PNPT1: variants seen among roughly 807,000 people sequenced by gnomAD.
The protein encoded by PNPT1 is polyribonucleotide nucleotidyltransferase 1, mitochondrial.
In PNPT1, 53 loss-of-function variants were observed where a neutral mutation model predicts 119.5. That is an observed-to-expected ratio of 0.44 (90% confidence interval 0.36 to 0.56). The LOEUF is 0.56. Ranked by LOEUF, PNPT1 falls within the 20% of genes least tolerant of loss-of-function variation. PNPT1 has a pLI of 0.00. For synonymous variants in PNPT1, 357 were observed against 322.1 expected (o/e 1.11, Z -1.16); for missense variants, 948 against 938.5 (o/e 1.01, Z -0.13).
intron 8 of PNPT1, among the ~76,000 whole-genome samples, chr2:55,673,896 T>C (rs1189026929): frequency 4.6e-5 from 7 of 152,138 alleles, no homozygotes; most frequent in Admixed American, 3.3e-4. Context: ...CTAATTTTTG[T>C]AGTTTTAGTA....
chr2:55,646,274 T>A lies in PNPT1; in HGVS notation c.1723A>T (p.Ile575Phe). 1 of 1,613,222 alleles carries A rather than the reference T, an allele frequency of 6.2e-7. No homozygotes were observed. Among genetic ancestry groups the A allele is most frequent in the Non-Finnish European group, 8.5e-7 (1 of 1,179,372 alleles). Reference protein sequence around the residue: ...GIPIKIVMEAIQQASVAKKEI... With the variant: ...GIPIKIVMEAFQQASVAKKEI... ...ACTAGCTCACCTGAAGCTTGTTGAA[T>A]AGCCTCCATCACAATTTTTATTGGT... The change falls in exon 21 of 28, where the codon ATT becomes TTT. Residue 575 changes from isoleucine to phenylalanine, a missense_variant. Transcript: ENST00000447944.
intron 11 of PNPT1, among the ~76,000 whole-genome samples, chr2:55,669,005 T>C (rs2104113419): frequency 1.3e-5 from 2 of 152,334 alleles, no homozygotes; most frequent in Admixed American, 1.3e-4. Flanking sequence ...TACAAACTGT[T>C]TTCTATCTAA....
Position 55,673,106 on chromosome 2 carries a change from ATGAC to A in PNPT1, c.680-31_680-28del, listed in dbSNP as rs773544597. On this transcript the variant is annotated intron_variant, in intron 8 of 27. Transcript: ENST00000447944. ...TATTTAAAGGAAAAAGAAAAAAAAA[ATGAC>A]TGCCATCGAAGCTCTTAGTAATATA... The A allele has an allele frequency of 1.7e-5, 25 of 1,496,582 alleles. 1 individual carries two copies. The African/African-American group carries it at 2.0e-4, about 12-fold the overall frequency. 92.7% of individuals were successfully genotyped at this position (1,496,582 alleles called of 1,614,324 possible).
intron 26 of PNPT1, among the ~76,000 whole-genome samples, chr2:55,637,939 G>A (rs886388937): frequency 1.7e-4 from 26 of 150,292 alleles, no homozygotes; most frequent in Non-Finnish European, 3.5e-4. Context: ...GGTGGAGCTT[G>A]CAGTGAGCCG....
chr2:55,675,330 G>GT (rs1442827145), intron 8 of PNPT1, among the ~76,000 whole-genome samples: 1 of 151,376 alleles, frequency 6.6e-6, no homozygotes, highest in East Asian at 1.9e-4. Context: ...GCTCATGCTT[G>GT]TAATTCCAGT....
intron 18 of PNPT1, among the ~76,000 whole-genome samples, chr2:55,652,269 C>G (rs1696234883): frequency 6.6e-6 from 1 of 152,166 alleles, no homozygotes; most frequent in Admixed American, 6.6e-5. Context: ...GCAGGGCAAG[C>G]CCTACTCTAG....
chr2:55,675,171 G>C (rs1175265670), intron 8 of PNPT1, among the ~76,000 whole-genome samples: 1 of 152,156 alleles, frequency 6.6e-6, no homozygotes, highest in African/African-American at 2.4e-5. Flanking sequence ...TAGAGGCTGA[G>C]GCAGGATGAT....
rs1696968539 is a variant in PNPT1, at chr2:55,673,228, CA to C, written c.680-150del. 7 of 586,664 alleles carry C rather than the reference CA, an allele frequency of 1.2e-5. No individual in the cohort carries two copies. In the Admixed American group the frequency reaches 2.3e-4, roughly 19 times the overall value. 36.3% of individuals were successfully genotyped at this position (586,664 alleles called of 1,614,324 possible). ...CCTTGATTTCTTTCCTCAGAATCAA[CA>C]TACTTCCAAAATGTAAGCAGCGGTA... On this transcript the variant is annotated intron_variant, in intron 8 of 27. Coordinates refer to ENST00000447944, the MANE Select transcript of PNPT1 (RefSeq NM_033109.5).
At chr2:55,675,645 G>A (rs531061042) in intron 8 of PNPT1, among the ~76,000 whole-genome samples, 2 of 152,090 alleles carry the variant, frequency 1.3e-5, no homozygotes, top group East Asian at 1.9e-4. Context: ...CTGTAGTGAT[G>A]TATAATCACA....
intron 11 of PNPT1, among the ~76,000 whole-genome samples, 168 bp from the exon 12 acceptor site, chr2:55,668,126 C>T (rs1281353345): frequency 1.3e-5 from 2 of 152,210 alleles, no homozygotes; most frequent in South Asian, 2.1e-4. Flanking sequence ...TGTTCTCAAC[C>T]AAATGTGACA....
intron 13 of PNPT1, among the ~76,000 whole-genome samples, chr2:55,663,707 G>A (rs570719060): frequency 5.3e-5 from 8 of 152,196 alleles, no homozygotes; most frequent in East Asian, 3.9e-4. Context: ...GGCTGGGTGC[G>A]GTGGCTCATG....
chr2:55,665,729 T>C (rs555929146), intron 13 of PNPT1, among the ~76,000 whole-genome samples: 1 of 152,282 alleles, frequency 6.6e-6, no homozygotes, highest in Non-Finnish European at 1.5e-5. Context: ...GGCTGTTATA[T>C]AAATAATGCT....
At chr2:55,680,786 G>C (rs374120183) in intron 6 of PNPT1, 27 bp from the exon 7 acceptor site, 2 of 1,612,724 alleles carry the variant, frequency 1.2e-6, no homozygotes, top group Admixed American at 1.7e-5. Flanking sequence ...AATCAGGGCC[G>C]AAATTAAAAT....
chr2:55,692,798 T>G (rs1321896652), intron 1 of PNPT1, among the ~76,000 whole-genome samples: 2 of 152,184 alleles, frequency 1.3e-5, no homozygotes, highest in Non-Finnish European at 2.9e-5. Flanking sequence ...AGGCAATCAA[T>G]TAGATTGGAT....
At chr2:55,636,692 A>C (rs762461055) in intron 27 of PNPT1, among the ~76,000 whole-genome samples, 7 of 152,198 alleles carry the variant, frequency 4.6e-5, no homozygotes, top group Non-Finnish European at 7.3e-5. Flanking sequence ...GGCATAGTGA[A>C]TGATCCTAGA....
intron 25 of PNPT1, among the ~76,000 whole-genome samples, chr2:55,641,708 CTTTTA>C (rs1695838199): frequency 1.3e-5 from 2 of 151,890 alleles, no homozygotes; most frequent in Non-Finnish European, 2.9e-5. Flanking sequence ...ATCTCCTTGC[CTTTTA>C]TTTTATTTCA....
At chr2:55,671,442 T>C (rs1255293370) in intron 10 of PNPT1, 66 bp from the exon 11 acceptor site, 1 of 980,036 alleles carries the variant, frequency 1.0e-6, no homozygotes, top group Admixed American at 2.7e-5. Flanking sequence ...TGTTTTCTAA[T>C]TATTATACAA....
chr2:55,661,787 A>G (rs1696584128), intron 14 of PNPT1, among the ~76,000 whole-genome samples, 169 bp downstream of exon 14: 1 of 152,216 alleles, frequency 6.6e-6, no homozygotes. Flanking sequence ...TTAGAAGACA[A>G]TCTAGCACAC....
rs544322462 is a variant in PNPT1, at chr2:55,663,499, C to A, written c.1177-1473G>T. 2.0e-5 allele frequency among the ~76,000 whole-genome samples: 3 copies of A among 152,226 alleles called. No homozygotes were observed. The East Asian group carries it at 5.8e-4, about 29-fold the overall frequency. On this transcript the variant is annotated intron_variant, in intron 13 of 27. Coordinates refer to ENST00000447944, the MANE Select transcript of PNPT1 (RefSeq NM_033109.5). ...AATTCTCAAGTTTGGTGAAAGACAT[C>A]AATGTACAGATTTAGGCTCAGGACA...
Sources: allele counts gnomAD v4.1 joint callset (sites outside exome capture counted in the v4.1 genomes callset), GRCh38; gene constraint gnomAD v4.1.1; transcripts MANE v1.5; gene names NCBI Gene and HGNC (gene_info 2026-07-23, HGNC 2026-07-21).